MMP26: variants seen among roughly 807,000 people sequenced by gnomAD.
MMP26 encodes the protein matrix metalloproteinase-26.
MMP26 carries 33 observed loss-of-function variants against 31.0 expected under a neutral mutation model. That is an observed-to-expected ratio of 1.06 (90% CI 0.81 to 1.42). MMP26 has a LOEUF of 1.42. MMP26 is among the 40% of genes most tolerant of loss of function. The pLI, the probability that MMP26 is intolerant of heterozygous loss-of-function variation, is 0.00. For missense variants in MMP26, 347 were observed against 316.1 expected (o/e 1.10, Z -0.74); for synonymous variants, 122 against 114.9 (o/e 1.06, Z -0.40).
chr11:4,908,069 C>G, intron 2 of MMP26: 1 of 1,614,118 alleles, frequency 6.2e-7, no homozygotes, highest in Non-Finnish European at 8.5e-7. Context: ...GGCAGAGAGG[C>G]TTAAGGCCCT....
intron 1 of MMP26, among the ~76,000 whole-genome samples, chr11:4,708,331 C>T (rs1174107801): frequency 6.6e-6 from 1 of 152,164 alleles, no homozygotes; most frequent in Non-Finnish European, 1.5e-5. Context: ...ATTTTTCCTT[C>T]TTCTCAAATA....
At position 4,817,233 on chromosome 11, in the gene MMP26, G is replaced by C. The variant is rs150737251; in HGVS notation, c.-145+49892G>C. 1.8e-3 allele frequency among the ~76,000 whole-genome samples: 273 copies of C among 152,264 alleles called. 1 individual carries two copies. The highest frequency in any genetic ancestry group is 6.1e-3 in the African/African-American group (255 of 41,534). ...ATTTGGGAAAGGAGAGGGAAGAGAA[G>C]AAGGGAAGTGTAAGGGCATTTGTTC... On this transcript the variant is annotated intron_variant, in intron 2 of 7. Coordinates refer to ENST00000380390, the MANE Select transcript of MMP26 (RefSeq NM_021801.5).
At chr11:4,788,942 G>T (rs973913271) in intron 2 of MMP26, among the ~76,000 whole-genome samples, 5 of 152,118 alleles carry the variant, frequency 3.3e-5, no homozygotes, top group Non-Finnish European at 7.4e-5. Context: ...CTCAGTTTTT[G>T]CCCTGGTATT....
intron 2 of MMP26, chr11:4,915,561 G>A: frequency 6.2e-7 from 1 of 1,614,038 alleles, no homozygotes; most frequent in Non-Finnish European, 8.5e-7. Flanking sequence ...AAGCACAGTG[G>A]GATGGAGATC....
chr11:4,707,316 T>A (rs1847793224), intron 1 of MMP26, among the ~76,000 whole-genome samples: 7 of 152,214 alleles, frequency 4.6e-5, no homozygotes, highest in Admixed American at 4.6e-4. Context: ...TGTTGGCCAT[T>A]TGTATGTTTT....
At chr11:4,721,573 T>G (rs1378287986) in intron 1 of MMP26, among the ~76,000 whole-genome samples, 1 of 152,208 alleles carries the variant, frequency 6.6e-6, no homozygotes, top group African/African-American at 2.4e-5. Context: ...ATCTTTCCAA[T>G]TGCTCTCATG....
intron 2 of MMP26, chr11:4,903,858 C>T (rs1850840942): frequency 6.6e-6 from 1 of 152,148 alleles, no homozygotes; most frequent in Non-Finnish European, 1.5e-5. Context: ...TGTTAAACTG[C>T]TTATATCTGA....
At chr11:4,927,277 G>C (rs953694123) in intron 2 of MMP26, among the ~76,000 whole-genome samples, 2 of 152,096 alleles carry the variant, frequency 1.3e-5, no homozygotes, top group African/African-American at 4.8e-5. Flanking sequence ...TTTTAGTATA[G>C]AGCTTAATTG....
intron 1 of MMP26, chr11:4,722,787 T>A: frequency 1.0e-6 from 1 of 993,222 alleles, no homozygotes; most frequent in Non-Finnish European, 1.6e-6. Flanking sequence ...TTCGTGGGTC[T>A]CGATATTCTT....
At chr11:4,913,246 G>A (rs891551812) in intron 2 of MMP26, 2 of 152,178 alleles carry the variant, frequency 1.3e-5, no homozygotes, top group African/African-American at 4.8e-5. Flanking sequence ...AGGGGACACT[G>A]GTGTTGGGAG....
At chr11:4,856,612 CA>C (rs1162123351) in intron 2 of MMP26, among the ~76,000 whole-genome samples, 1 of 152,058 alleles carries the variant, frequency 6.6e-6, no homozygotes, top group Non-Finnish European at 1.5e-5. Context: ...GACTCCCACA[CA>C]ATAATAATGG....
At chr11:4,979,649 A>C (rs765774728) in intron 2 of MMP26, among the ~76,000 whole-genome samples, 4 of 152,132 alleles carry the variant, frequency 2.6e-5, no homozygotes, top group Non-Finnish European at 5.9e-5. Context: ...GATGAAACTT[A>C]GCATCACAGT....
intron 2 of MMP26, chr11:4,923,821 G>A: frequency 1.2e-6 from 2 of 1,613,998 alleles, no homozygotes; most frequent in East Asian, 2.2e-5. Flanking sequence ...CCAGCACATG[G>A]GAGTGGCAGT....
chr11:4,789,530 C>CCTTTTTTT (rs1848993184), intron 2 of MMP26, among the ~76,000 whole-genome samples: 10 of 65,938 alleles, frequency 1.5e-4, no homozygotes, highest in Non-Finnish European at 2.2e-4. Context: ...TATCCCCCCA[C>CCTTTTTTT]TTTTTTTTTT....
intron 2 of MMP26, among the ~76,000 whole-genome samples, chr11:4,785,883 T>C (rs1405922847): frequency 6.6e-6 from 1 of 152,178 alleles, no homozygotes; most frequent in Non-Finnish European, 1.5e-5. Context: ...CAGGGACATG[T>C]CTCCAGATCA....
At chr11:4,925,825 T>C (rs1851264565) in intron 2 of MMP26, among the ~76,000 whole-genome samples, 1 of 152,172 alleles carries the variant, frequency 6.6e-6, no homozygotes, top group African/African-American at 2.4e-5. Flanking sequence ...GTTTGTTTTT[T>C]AGACATTTTA....
At chr11:4,959,770 A>G (rs1324284516) in intron 2 of MMP26, among the ~76,000 whole-genome samples, 1 of 152,158 alleles carries the variant, frequency 6.6e-6, no homozygotes, top group Non-Finnish European at 1.5e-5. Context: ...TTTGCATATA[A>G]TCAGCCCTAA....
In MMP26 at chr11:4,836,379, C is replaced by T. The variant is rs149377277; in HGVS notation, c.-145+69038C>T. Reference sequence around the variant, plus strand: ...TAAGTGAACTAAGAGTGTTAGTACACTGTGTATACTTATATACACACACAG... The same window carrying T: ...TAAGTGAACTAAGAGTGTTAGTACATTGTGTATACTTATATACACACACAG... On this transcript the variant is annotated intron_variant, in intron 2 of 7. Coordinates refer to ENST00000380390, the MANE Select transcript of MMP26 (RefSeq NM_021801.5). Among the ~76,000 whole-genome samples, 757 of 151,562 alleles carry T rather than the reference C, an allele frequency of 5.0e-3. 5 individuals are homozygous for T. The highest frequency in any genetic ancestry group is 0.017 in the African/African-American group (686 of 41,422).
At chr11:4,825,024 T>C (rs1849561787) in intron 2 of MMP26, among the ~76,000 whole-genome samples, 1 of 152,096 alleles carries the variant, frequency 6.6e-6, no homozygotes, top group African/African-American at 2.4e-5. Flanking sequence ...AAAATCCTCT[T>C]TTCAGGCTTT....
Sources: gnomAD v4.1 joint callset for allele counts (sites outside exome capture counted in the v4.1 genomes callset) on GRCh38, gnomAD v4.1.1 for gene constraint, MANE v1.5 for transcripts, NCBI Gene and HGNC (gene_info 2026-07-23, HGNC 2026-07-21) for gene names.